Variants in OPRD1 observed in about 807,000 individuals in gnomAD.
OPRD1 encodes the protein opioid receptor delta 1.
A neutral mutation model predicts 17.5 loss-of-function variants in OPRD1; 19 were observed. That is an observed-to-expected ratio of 1.09 (90% CI 0.76 to 1.60). The LOEUF (loss-of-function observed/expected upper bound fraction) is 1.60. Among genes scored for constraint, OPRD1 ranks in the 40% most tolerant of loss-of-function variants. OPRD1 has a pLI of 0.00. For missense variants in OPRD1, 483 were observed against 547.2 expected (o/e 0.88, Z 1.17); for synonymous variants, 256 against 240.9 (o/e 1.06, Z -0.58).
rs1391685417 is a variant in OPRD1 at position 28,870,128 on chromosome 1, T to C, written c.*6845T>C. On this transcript the variant is annotated 3_prime_UTR_variant, in exon 3 of 3. Transcript: ENST00000234961. ...AAATGGACACACAGTAGTTATCTAC[T>C]GAGCTAATGAACAATGTCCCTGGTG... is the stretch of plus-strand genomic sequence containing the variant. 1 of 152,158 alleles carries C rather than the reference T, an allele frequency of 6.6e-6. No homozygotes were observed. The highest frequency in any genetic ancestry group is 1.5e-5 in the Non-Finnish European group (1 of 68,026). 9.4% of individuals were successfully genotyped at this position (152,158 alleles called of 1,614,324 possible).
chr1:28,855,695 G>T (rs1008432233), intron 1 of OPRD1, among the ~76,000 whole-genome samples: 2 of 152,196 alleles, frequency 1.3e-5, no homozygotes, highest in African/African-American at 2.4e-5. Context: ...GGAATGGAAG[G>T]ATCCTTCACA....
chr1:28,855,790 C>T (rs534453214), intron 1 of OPRD1, among the ~76,000 whole-genome samples: 13 of 152,302 alleles, frequency 8.5e-5, no homozygotes, highest in East Asian at 3.9e-4. Flanking sequence ...GGGTTGAGAC[C>T]GCCTCCCACA....
intron 2 of OPRD1, among the ~76,000 whole-genome samples, chr1:28,861,788 G>A (rs1268876479): frequency 2.0e-5 from 3 of 150,800 alleles, no homozygotes; most frequent in Non-Finnish European, 4.4e-5. Flanking sequence ...CCTCTAGGGA[G>A]CCTGACCCTA....
At position 28,859,212 on chromosome 1, in the gene OPRD1, T is replaced by C. The variant is rs200098236; in HGVS notation, c.486T>C (p.Pro162=). The C allele has an allele frequency of 3.5e-4, 566 of 1,614,148 alleles. No homozygotes were observed. Among genetic ancestry groups the C allele is most frequent in the Non-Finnish European group, 4.6e-4 (539 of 1,180,056 alleles). ...HPVKALDFRT[P]AKAKLINICI... is the part of the protein sequence containing the mutation. ...TCAAGGCCCTGGACTTCCGCACGCC[T>C]GCCAAGGCCAAGCTGATCAACATCT... The change falls in exon 2 of 3, where the codon CCT becomes CCC. Residue 162 remains proline, a synonymous_variant. Coordinates refer to ENST00000234961, the MANE Select transcript of OPRD1 (RefSeq NM_000911.4).
chr1:28,851,642 C>A (rs994464842), intron 1 of OPRD1, among the ~76,000 whole-genome samples: 5 of 149,286 alleles, frequency 3.3e-5, no homozygotes, highest in Admixed American at 1.3e-4. Flanking sequence ...GAGGCCGAGG[C>A]GGGCGGATCA....
At chr1:28,844,394 G>A (rs1209648363) in intron 1 of OPRD1, among the ~76,000 whole-genome samples, 3 of 151,966 alleles carry the variant, frequency 2.0e-5, no homozygotes, top group African/African-American at 4.8e-5. Context: ...GGACTCAAGC[G>A]ATTCTCCCAC....
chr1:28,840,489 A>G (rs2088886988), intron 1 of OPRD1, among the ~76,000 whole-genome samples: 1 of 152,312 alleles, frequency 6.6e-6, no homozygotes, highest in South Asian at 2.1e-4. Context: ...GCCAAGAAGA[A>G]GGCACTGGGA....
At chr1:28,821,956 C>CTTT (rs56145206) in intron 1 of OPRD1, among the ~76,000 whole-genome samples, 1 of 146,434 alleles carries the variant, frequency 6.8e-6, no homozygotes, top group Non-Finnish European at 1.5e-5. Context: ...TTATTTCTTT[C>CTTT]TTTTTTTTTT....
At chr1:28,834,381 C>CT (rs11306242) in intron 1 of OPRD1, among the ~76,000 whole-genome samples, 87 of 121,798 alleles carry the variant, frequency 7.1e-4, no homozygotes, top group Middle Eastern at 4.2e-3. Flanking sequence ...TTCTTTTTTT[C>CT]TTTTTTTTTT....
intron 1 of OPRD1, among the ~76,000 whole-genome samples, chr1:28,843,509 C>CTCATGTAAGTGGAATCAT (rs1161936092): frequency 1.3e-5 from 2 of 152,168 alleles, no homozygotes. Context: ...CTCTAGGTGC[C>CTCATGTAAGTGGAATCAT]TCATGTAAGT....
chr1:28,825,543 A>T (rs907558307), intron 1 of OPRD1, among the ~76,000 whole-genome samples: 21 of 152,136 alleles, frequency 1.4e-4, no homozygotes, highest in African/African-American at 3.4e-4. Flanking sequence ...ACGCCACCAC[A>T]TCCGGCTAAT....
chr1:28,827,129 T>C (rs1000795332), intron 1 of OPRD1, among the ~76,000 whole-genome samples: 4 of 138,596 alleles, frequency 2.9e-5, no homozygotes, highest in Admixed American at 2.2e-4. Context: ...ACCTTGTGTC[T>C]ACAAAAAAAT....
At position 28,859,289 on chromosome 1, in the gene OPRD1, T is replaced by C; in HGVS notation, c.563T>C (p.Val188Ala). The C allele has an allele frequency of 6.2e-7, 1 of 1,613,112 alleles. No individual in the cohort carries two copies. The highest frequency in any genetic ancestry group is 8.5e-7 in the Non-Finnish European group (1 of 1,179,476). The change falls in exon 2 of 3, where the codon GTG becomes GCG. Residue 188 changes from valine to alanine, a missense_variant. Physicochemically the swap from Val to Ala is moderately conservative, Grantham distance 64. Transcript: ENST00000234961. ...GGCGTGCCCATCATGGTCATGGCTG[T>C]GACCCGTCCCCGGGGTGAGTGAGTG... ...GVGVPIMVMA[V>A]TRPRDGAVVC... is the part of the protein sequence containing the mutation.
At position 28,812,510 on chromosome 1, in the gene OPRD1, G is replaced by C; in HGVS notation, c.127G>C (p.Ala43Pro). The C allele has an allele frequency of 6.4e-7, 1 of 1,570,466 alleles. No individual in the cohort carries two copies. The change falls in exon 1 of 3, where the codon GCC (alanine) becomes CCC (proline). Residue 43 changes from alanine to proline, a missense_variant. Coordinates refer to ENST00000234961, the MANE Select transcript of OPRD1 (RefSeq NM_000911.4). ...GTCGGGGCCGCCAGGCGCGCGGAGC[G>C]CCTCGTCCCTCGCCCTGGCAATCGC... is the stretch of plus-strand genomic sequence containing the variant. The part of the protein sequence containing the change: ...NASGPPGARS[A>P]SSLALAIAIT...
chr1:28,831,967 A>T (rs756011534), intron 1 of OPRD1, among the ~76,000 whole-genome samples: 20 of 152,184 alleles, frequency 1.3e-4, no homozygotes, highest in Non-Finnish European at 2.8e-4. Context: ...CATTTGACAG[A>T]TGAGAAAACT....
Position 28,863,354 on chromosome 1 carries a change from C to A in OPRD1, c.*71C>A, listed in dbSNP as rs1023277070. 1 of 1,380,576 alleles carries A rather than the reference C, an allele frequency of 7.2e-7. No individual in the cohort carries two copies. The highest frequency in any genetic ancestry group is 2.7e-4 in the Middle Eastern group (1 of 3,726). 85.5% of individuals were successfully genotyped at this position (1,380,576 alleles called of 1,614,324 possible). A position where few individuals can be genotyped will look rare whatever the true frequency, so the allele number is the denominator to read the frequency against. ...GCCACATGAGTCCCAGTGGGAGGCGCGAGCCATGATGTGGAGTGGGGCAGT... is the reference window on the plus strand; with the variant it reads ...GCCACATGAGTCCCAGTGGGAGGCGAGAGCCATGATGTGGAGTGGGGCAGT... On this transcript the variant is annotated 3_prime_UTR_variant, in exon 3 of 3. Transcript: ENST00000234961.
intron 1 of OPRD1, among the ~76,000 whole-genome samples, chr1:28,826,624 T>C (rs1406808436): frequency 6.6e-6 from 1 of 152,238 alleles, no homozygotes; most frequent in East Asian, 1.9e-4. Flanking sequence ...CTTTTATTGC[T>C]AACAAAATAC....
intron 1 of OPRD1, among the ~76,000 whole-genome samples, chr1:28,839,486 A>G (rs1388161810): frequency 6.6e-6 from 1 of 152,190 alleles, no homozygotes; most frequent in Non-Finnish European, 1.5e-5. Flanking sequence ...AATTAATTCT[A>G]AATACTCCAG....
intron 1 of OPRD1, among the ~76,000 whole-genome samples, chr1:28,842,331 A>C (rs2088902864): frequency 6.6e-6 from 1 of 152,232 alleles, no homozygotes; most frequent in Non-Finnish European, 1.5e-5. Flanking sequence ...ACCCGGCCTG[A>C]GCACCGGGCA....
Sources: allele counts gnomAD v4.1 joint callset (sites outside exome capture counted in the v4.1 genomes callset), GRCh38; gene constraint gnomAD v4.1.1; transcripts MANE v1.5; gene names NCBI Gene and HGNC (gene_info 2026-07-23, HGNC 2026-07-21).